The following PDZRN4 variants were observed in gnomAD, a reference collection of about 807,000 sequenced individuals.
The protein encoded by PDZRN4 is PDZ domain-containing RING finger protein 4.
PDZRN4 carries 70 observed loss-of-function variants against 99.0 expected under a neutral mutation model. The ratio of observed to expected loss-of-function variants is 0.71; its 90% CI spans 0.58 to 0.86. PDZRN4 has a LOEUF of 0.86. PDZRN4 is among the 40% of genes least tolerant of loss of function. PDZRN4 has a pLI of 0.00. For missense variants in PDZRN4, 1,474 were observed against 1,331.2 expected (o/e 1.11, Z -1.67); for synonymous variants, 551 against 501.6 (o/e 1.10, Z -1.32).
intron 3 of PDZRN4, among the ~76,000 whole-genome samples, chr12:41,346,308 A>G (rs1049591726): frequency 1.3e-5 from 2 of 152,012 alleles, no homozygotes; most frequent in South Asian, 2.1e-4. Context: ...TAAAAATACA[A>G]AAAATTAGCT....
chr12:41,216,578 T>C (rs1034602955), intron 3 of PDZRN4, among the ~76,000 whole-genome samples: 1 of 152,058 alleles, frequency 6.6e-6, no homozygotes, highest in East Asian at 1.9e-4. Context: ...ATAAAACAGA[T>C]AGTTCATCAG....
At chr12:41,297,011 A>G (rs1017539392) in intron 3 of PDZRN4, among the ~76,000 whole-genome samples, 1 of 152,166 alleles carries the variant, frequency 6.6e-6, no homozygotes, top group Non-Finnish European at 1.5e-5. Context: ...TTCTTCAGTT[A>G]ATAGTGTAAA....
intron 3 of PDZRN4, among the ~76,000 whole-genome samples, chr12:41,225,995 C>T (rs980656739): frequency 6.6e-6 from 1 of 151,950 alleles, no homozygotes; most frequent in African/African-American, 2.4e-5. Flanking sequence ...GCATTCTTTC[C>T]GGTCAACAAT....
At chr12:41,465,157 A>T (rs1952912664) in intron 3 of PDZRN4, among the ~76,000 whole-genome samples, 1 of 152,136 alleles carries the variant, frequency 6.6e-6, no homozygotes, top group Non-Finnish European at 1.5e-5. Flanking sequence ...TAAGACAGTG[A>T]ATATGAATAG....
At chr12:41,479,367 A>G (rs1937639049) in intron 3 of PDZRN4, among the ~76,000 whole-genome samples, 1 of 152,210 alleles carries the variant, frequency 6.6e-6, no homozygotes, top group South Asian at 2.1e-4. Flanking sequence ...GATACTATGT[A>G]TCCATTCACT....
chr12:41,557,424 T>C (rs1035931663), intron 7 of PDZRN4, among the ~76,000 whole-genome samples: 5 of 152,122 alleles, frequency 3.3e-5, no homozygotes, highest in African/African-American at 9.7e-5. Context: ...ACTTTTGGAA[T>C]CCGAAAACCA....
intron 3 of PDZRN4, among the ~76,000 whole-genome samples, chr12:41,408,497 G>A (rs911347922): frequency 6.6e-6 from 1 of 152,158 alleles, no homozygotes; most frequent in African/African-American, 2.4e-5. Flanking sequence ...CATAAGAGAT[G>A]AAGTCTTCTG....
At chr12:41,504,323 G>A (rs921020328) in intron 3 of PDZRN4, among the ~76,000 whole-genome samples, 1 of 152,092 alleles carries the variant, frequency 6.6e-6, no homozygotes, top group Non-Finnish European at 1.5e-5. Context: ...CTGTGTGACT[G>A]AGATTTCTTT....
At chr12:41,286,330 C>G (rs1431005719) in intron 3 of PDZRN4, among the ~76,000 whole-genome samples, 1 of 111,148 alleles carries the variant, frequency 9.0e-6, no homozygotes, top group Non-Finnish European at 1.8e-5. Flanking sequence ...CATTTTCCTT[C>G]TTCTTCTTTT....
chr12:41,334,268 T>G (rs1402979464), intron 3 of PDZRN4, among the ~76,000 whole-genome samples: 2 of 152,194 alleles, frequency 1.3e-5, no homozygotes, highest in Middle Eastern at 3.4e-3. Flanking sequence ...TTCTCAGATC[T>G]TTTTGGTGTT....
chr12:41,378,017 A>G (rs1440950784), intron 3 of PDZRN4, among the ~76,000 whole-genome samples: 1 of 152,124 alleles, frequency 6.6e-6, no homozygotes, highest in African/African-American at 2.4e-5. Flanking sequence ...CCAGTACTAT[A>G]TTGAATACAA....
intron 3 of PDZRN4, among the ~76,000 whole-genome samples, chr12:41,367,616 TC>T (rs1952011090): frequency 2.0e-5 from 3 of 152,108 alleles, no homozygotes; most frequent in Admixed American, 1.3e-4. Context: ...TTTCTATTGG[TC>T]CTTCATGAAC....
intron 3 of PDZRN4, among the ~76,000 whole-genome samples, chr12:41,344,676 T>A (rs1565557616): frequency 6.6e-6 from 1 of 150,936 alleles, no homozygotes. Context: ...GATCTGTTTT[T>A]AAATATAATG....
intron 3 of PDZRN4, among the ~76,000 whole-genome samples, chr12:41,219,648 G>A (rs1156654338): frequency 1.3e-5 from 2 of 151,972 alleles, no homozygotes; most frequent in East Asian, 1.9e-4. Context: ...CCTTGAAGAG[G>A]CACAAAGTTT....
intron 5 of PDZRN4, among the ~76,000 whole-genome samples, chr12:41,513,841 G>T (rs1240053199): frequency 6.6e-6 from 1 of 152,068 alleles, no homozygotes; most frequent in Non-Finnish European, 1.5e-5. Context: ...TACAGCATTT[G>T]CTGTTAACTC....
chr12:41,465,891 GT>G (rs533918532), intron 3 of PDZRN4, among the ~76,000 whole-genome samples: 10 of 150,862 alleles, frequency 6.6e-5, no homozygotes, highest in East Asian at 3.9e-4. Context: ...CTGTTTCAGT[GT>G]TTTTTTTTAA....
chr12:41,198,651 C>A (rs1285056950), intron 3 of PDZRN4, among the ~76,000 whole-genome samples: 1 of 149,398 alleles, frequency 6.7e-6, no homozygotes, highest in Non-Finnish European at 1.5e-5. Context: ...AGGAGATATA[C>A]CTAATGCTAA....
At chr12:41,569,654 G>A (rs1939440612) in intron 9 of PDZRN4, among the ~76,000 whole-genome samples, 1 of 152,136 alleles carries the variant, frequency 6.6e-6, no homozygotes, top group Non-Finnish European at 1.5e-5. Flanking sequence ...ACTTTACCAT[G>A]TTGAATAATG....
chr12:41,402,355 A>T (rs1189465486), intron 3 of PDZRN4, among the ~76,000 whole-genome samples: 166 of 166 alleles, frequency 1, 83 homozygotes, highest in Non-Finnish European at 1. Context: ...ATATACACAC[A>T]GTGTGTATAT....
Sources: gnomAD v4.1 joint callset for allele counts (sites outside exome capture counted in the v4.1 genomes callset) on GRCh38, gnomAD v4.1.1 for gene constraint, MANE v1.5 for transcripts, NCBI Gene and HGNC (gene_info 2026-07-23, HGNC 2026-07-21) for gene names.